Variants in MFHAS1 observed in about 807,000 individuals in gnomAD.
MFHAS1 encodes multifunctional ROCO family signaling regulator 1, also known as malignant fibrous histiocytoma-amplified sequence 1.
MFHAS1 carries 50 observed loss-of-function variants against 70.4 expected under a neutral mutation model. The observed-to-expected ratio is 0.71, with a 90% CI of 0.57 to 0.90. MFHAS1 has a LOEUF of 0.90. Among genes scored for constraint, MFHAS1 ranks in the 40% least tolerant of loss-of-function variants. The pLI, the probability that MFHAS1 is intolerant of heterozygous loss-of-function variation, is 0.00. For missense variants in MFHAS1, 1,795 were observed against 1,347.6 expected (o/e 1.33, Z -5.20); for synonymous variants, 952 against 620.0 (o/e 1.54, Z -7.96).
At chr8:8,866,380 G>A (rs576288359) in intron 1 of MFHAS1, among the ~76,000 whole-genome samples, 40 of 151,108 alleles carry the variant, frequency 2.6e-4, no homozygotes, top group Admixed American at 4.6e-4. Context: ...GTACGGTGGC[G>A]TAATCTCAGC....
At chr8:8,816,270 G>T (rs1480544261) in intron 1 of MFHAS1, among the ~76,000 whole-genome samples, 1 of 152,096 alleles carries the variant, frequency 6.6e-6, no homozygotes, top group Non-Finnish European at 1.5e-5. Flanking sequence ...CTATCAAATT[G>T]GACCCTCAAC....
intron 1 of MFHAS1, among the ~76,000 whole-genome samples, chr8:8,840,711 T>C (rs1807788682): frequency 1.3e-5 from 2 of 152,190 alleles, no homozygotes; most frequent in South Asian, 2.1e-4. Context: ...TAGATGCCGT[T>C]GGTTCTTAGA....
At chr8:8,817,292 A>G (rs1308423619) in intron 1 of MFHAS1, among the ~76,000 whole-genome samples, 1 of 152,114 alleles carries the variant, frequency 6.6e-6, no homozygotes, top group Non-Finnish European at 1.5e-5. Flanking sequence ...TGATTTCTTG[A>G]GCTGAGAAAT....
At chr8:8,886,120 A>C (rs1024233670) in intron 1 of MFHAS1, among the ~76,000 whole-genome samples, 1 of 152,222 alleles carries the variant, frequency 6.6e-6, no homozygotes, top group African/African-American at 2.4e-5. Context: ...TCTCTCTGAC[A>C]ATGTGATTTA....
chr8:8,833,321 TG>T (rs1448853637), intron 1 of MFHAS1, among the ~76,000 whole-genome samples: 2 of 152,184 alleles, frequency 1.3e-5, no homozygotes, highest in Non-Finnish European at 2.9e-5. Flanking sequence ...TGGAAAAATT[TG>T]GCAGCTTCCT....
chr8:8,789,899 C>T (rs370237861), intron 2 of MFHAS1, among the ~76,000 whole-genome samples: 1 of 152,078 alleles, frequency 6.6e-6, no homozygotes, highest in Non-Finnish European at 1.5e-5. Flanking sequence ...TTCAAATAAG[C>T]CTGTCCTAGA....
intron 1 of MFHAS1, among the ~76,000 whole-genome samples, chr8:8,854,271 G>A (rs1367357655): frequency 2.0e-5 from 3 of 151,994 alleles, no homozygotes; most frequent in East Asian, 1.9e-4. Flanking sequence ...AGTGGCTCAC[G>A]CCTGTAATCC....
intron 1 of MFHAS1, among the ~76,000 whole-genome samples, chr8:8,846,673 C>G (rs780335742): frequency 1.8e-4 from 27 of 152,106 alleles, no homozygotes; most frequent in African/African-American, 4.8e-5. Context: ...AAGAACACAG[C>G]TGTCTCGGGG....
intron 1 of MFHAS1, among the ~76,000 whole-genome samples, chr8:8,803,312 C>T (rs865834978): frequency 2.6e-5 from 4 of 151,378 alleles, no homozygotes; most frequent in Non-Finnish European, 5.9e-5. Flanking sequence ...GTCAGGAGTT[C>T]AAGACCAGCC....
At chr8:8,878,640 C>A (rs945053138) in intron 1 of MFHAS1, among the ~76,000 whole-genome samples, 2 of 148,942 alleles carry the variant, frequency 1.3e-5, no homozygotes, top group Admixed American at 6.7e-5. Context: ...CTTTCCATTG[C>A]GTTTTTAAAA....
intron 1 of MFHAS1, among the ~76,000 whole-genome samples, chr8:8,821,324 G>C (rs1806947459): frequency 6.6e-6 from 1 of 152,174 alleles, no homozygotes. Context: ...TTACTACTAA[G>C]CCTATTTCCA....
At chr8:8,849,366 C>A (rs1206127432) in intron 1 of MFHAS1, among the ~76,000 whole-genome samples, 1 of 152,086 alleles carries the variant, frequency 6.6e-6, no homozygotes, top group Non-Finnish European at 1.5e-5. Flanking sequence ...CAAGTGTGAG[C>A]CACCGCACCC....
chr8:8,783,525 G>C lies in MFHAS1; in HGVS notation c.*2497C>G, dbSNP rs1352422414. ...TTCCTTTTTATTCATTCAAAAGAGAGTCCAATACACAAGTGTCAAATATGA... is the reference window on the plus strand; with the variant it reads ...TTCCTTTTTATTCATTCAAAAGAGACTCCAATACACAAGTGTCAAATATGA... On this transcript the variant is annotated 3_prime_UTR_variant, in exon 3 of 3. Transcript: ENST00000276282. 1 of 152,050 alleles carries C rather than the reference G, an allele frequency of 6.6e-6. No individual in the cohort carries two copies. Among genetic ancestry groups the C allele is most frequent in the African/African-American group, 2.4e-5 (1 of 41,390 alleles). 9.4% of individuals were successfully genotyped at this position (152,050 alleles called of 1,614,324 possible). A position where few individuals can be genotyped will look rare whatever the true frequency, so the allele number is the denominator to read the frequency against.
rs766106507 is a variant in MFHAS1 at position 8,890,456 on chromosome 8, G to C, written c.2603C>G (p.Thr868Ser). ...VPHAEAWING[T>S]NLAGQSFVAE... is the part of the protein sequence containing the mutation. ...CACAAAAGACTGCCCAGCTAGGTTG[G>C]TCCCATTAATCCAGGCTTCTGCATG... is the stretch of plus-strand genomic sequence containing the variant. The change falls in exon 1 of 3, where the codon ACC becomes AGC. Residue 868 changes from threonine (T) to serine (S), a missense_variant. Physicochemically the swap from Thr to Ser is moderately conservative, Grantham distance 58. Coordinates refer to ENST00000276282, the MANE Select transcript of MFHAS1 (RefSeq NM_004225.3). 1 of 1,613,790 alleles carries C rather than the reference G, an allele frequency of 6.2e-7. No homozygotes were observed. The highest frequency in any genetic ancestry group is 1.3e-5 in the African/African-American group (1 of 74,934).
intron 1 of MFHAS1, among the ~76,000 whole-genome samples, chr8:8,827,071 A>C (rs1807191631): frequency 6.6e-6 from 1 of 152,192 alleles, no homozygotes; most frequent in African/African-American, 2.4e-5. Flanking sequence ...TTTAATTTTT[A>C]ACACAACATC....
intron 1 of MFHAS1, among the ~76,000 whole-genome samples, chr8:8,852,132 G>C (rs1221776994): frequency 6.6e-6 from 1 of 152,132 alleles, no homozygotes; most frequent in East Asian, 1.9e-4. Context: ...AGAGAGCTGA[G>C]GTTTCAGGAG....
intron 1 of MFHAS1, among the ~76,000 whole-genome samples, chr8:8,846,388 C>T (rs1297051154): frequency 1.3e-5 from 2 of 150,058 alleles, no homozygotes; most frequent in African/African-American, 5.0e-5. Context: ...AAGAAAATGA[C>T]CACTGGTCAC....
chr8:8,799,835 T>C (rs912116193), intron 1 of MFHAS1, among the ~76,000 whole-genome samples: 36 of 152,334 alleles, frequency 2.4e-4, no homozygotes, highest in South Asian at 1.5e-3. Context: ...CGCAGGCCCA[T>C]ATCAGCACTG....
chr8:8,881,078 A>G (rs1417010923), intron 1 of MFHAS1, among the ~76,000 whole-genome samples: 5 of 152,134 alleles, frequency 3.3e-5, no homozygotes, highest in Non-Finnish European at 7.4e-5. Flanking sequence ...TCCTCTGCCC[A>G]CATTCTTCTC....
Sources: gnomAD v4.1 joint callset for allele counts (sites outside exome capture counted in the v4.1 genomes callset) on GRCh38, gnomAD v4.1.1 for gene constraint, MANE v1.5 for transcripts, NCBI Gene and HGNC (gene_info 2026-07-23, HGNC 2026-07-21) for gene names.